The following TANC2 variants were observed in gnomAD, a reference collection of about 807,000 sequenced individuals.
The protein encoded by TANC2 is tetratricopeptide repeat, ankyrin repeat and coiled-coil containing 2.
TANC2 carries 26 observed loss-of-function variants against 210.5 expected under a neutral mutation model. That is an observed-to-expected ratio of 0.12 (90% confidence interval 0.09 to 0.17). The LOEUF (loss-of-function observed/expected upper bound fraction) is 0.17, where lower values mean the gene tolerates loss of function less well. TANC2 is among the 10% of genes least tolerant of loss of function. TANC2 has a pLI of 1.00. For synonymous variants in TANC2, 931 were observed against 967.1 expected, an observed-to-expected ratio of 0.96 and a Z score of 0.69; for missense variants, 2,129 against 2,608.9, an observed-to-expected ratio of 0.82 and a Z score of 4.01.
chr17:63,268,167 CT>C (rs1459694819), intron 9 of TANC2, among the ~76,000 whole-genome samples: 1 of 152,170 alleles, frequency 6.6e-6, no homozygotes, highest in African/African-American at 2.4e-5. Context: ...GGGAAATAAC[CT>C]TTCTAAGATC....
At chr17:63,343,684 C>T (rs2046311307) in intron 12 of TANC2, among the ~76,000 whole-genome samples, 1 of 152,094 alleles carries the variant, frequency 6.6e-6, no homozygotes, top group Non-Finnish European at 1.5e-5. Context: ...GCAGGAGGAT[C>T]ACTTGAGCCT....
intron 22 of TANC2, 45 bp from the exon 23 acceptor site, chr17:63,411,953 A>T (rs776083025): frequency 1.7e-5 from 27 of 1,609,900 alleles, no homozygotes. Context: ...AACAGTGCTG[A>T]GCCATTACGC....
chr17:63,054,660 C>G (rs551303782), intron 2 of TANC2, among the ~76,000 whole-genome samples: 65 of 151,840 alleles, frequency 4.3e-4, no homozygotes, highest in Non-Finnish European at 7.2e-4. Context: ...GGATTACAGG[C>G]GTGAGCCACC....
At chr17:63,159,659 AT>A (rs2039956640) in intron 5 of TANC2, among the ~76,000 whole-genome samples, 1 of 149,786 alleles carries the variant, frequency 6.7e-6, no homozygotes, top group African/African-American at 2.6e-5. Flanking sequence ...TAGCATTTAC[AT>A]TGCATATGGT....
At chr17:63,201,622 CTTT>C (rs76234428) in intron 7 of TANC2, among the ~76,000 whole-genome samples, 5 of 139,828 alleles carry the variant, frequency 3.6e-5, no homozygotes, top group African/African-American at 5.3e-5. Context: ...TTTCTTATAC[CTTT>C]TTTTTTTTTT....
chr17:63,334,071 C>T (rs894473713), intron 11 of TANC2: 4 of 152,186 alleles, frequency 2.6e-5, no homozygotes, highest in African/African-American at 9.6e-5. Flanking sequence ...ACAAAACCCA[C>T]AGTATCTCCA....
intron 9 of TANC2, among the ~76,000 whole-genome samples, chr17:63,308,529 G>A (rs529158255): frequency 1.5e-4 from 23 of 152,162 alleles, no homozygotes; most frequent in Non-Finnish European, 2.9e-4. Flanking sequence ...CTGACATTCA[G>A]ACTGTCCTGG....
intron 8 of TANC2, among the ~76,000 whole-genome samples, chr17:63,253,816 T>C (rs1176988066): frequency 6.6e-6 from 1 of 151,958 alleles, no homozygotes; most frequent in African/African-American, 2.4e-5. Flanking sequence ...TTGTTGTTGT[T>C]GTTGTTGTTT....
chr17:63,002,969 A>G (rs2033455330), intron 1 of TANC2, among the ~76,000 whole-genome samples: 1 of 152,100 alleles, frequency 6.6e-6, no homozygotes, highest in East Asian at 1.9e-4. Context: ...ATATGTTTTA[A>G]TTTCTCTTGG....
intron 7 of TANC2, among the ~76,000 whole-genome samples, chr17:63,203,408 A>G (rs991221598): frequency 6.6e-6 from 1 of 152,218 alleles, no homozygotes; most frequent in Admixed American, 6.5e-5. Context: ...TCCCTGTGCC[A>G]TATACAGTAT....
intron 8 of TANC2, among the ~76,000 whole-genome samples, chr17:63,243,527 A>G (rs191830315): frequency 8.1e-4 from 124 of 152,364 alleles, no homozygotes; most frequent in African/African-American, 2.7e-3. Context: ...TACTGTTACA[A>G]CATCGTGAAT....
At chr17:63,380,302 C>G (rs1052712516) in intron 15 of TANC2, among the ~76,000 whole-genome samples, 1 of 152,204 alleles carries the variant, frequency 6.6e-6, no homozygotes, top group African/African-American at 2.4e-5. Context: ...CAAATTATAT[C>G]CCAGTTTTTC....
intron 4 of TANC2, among the ~76,000 whole-genome samples, chr17:63,122,026 T>A (rs1414593822): frequency 2.6e-5 from 4 of 151,642 alleles, no homozygotes; most frequent in Non-Finnish European, 2.9e-5. Flanking sequence ...GAGAAAGAGA[T>A]TGAGAATCAA....
intron 14 of TANC2, among the ~76,000 whole-genome samples, chr17:63,369,777 AT>A (rs2047211565): frequency 6.6e-6 from 1 of 151,826 alleles, no homozygotes; most frequent in East Asian, 1.9e-4. Context: ...TAATTTTTGT[AT>A]TTTTAGTAGA....
intron 2 of TANC2, among the ~76,000 whole-genome samples, chr17:63,071,313 G>C (rs2036389115): frequency 6.6e-6 from 1 of 151,826 alleles, no homozygotes; most frequent in Non-Finnish European, 1.5e-5. Flanking sequence ...AAAGAGTCAA[G>C]GTCTCCCCTT....
intron 4 of TANC2, among the ~76,000 whole-genome samples, chr17:63,143,468 T>C (rs1390120316): frequency 6.6e-6 from 1 of 152,214 alleles, no homozygotes; most frequent in Non-Finnish European, 1.5e-5. Context: ...TGTATAAAAT[T>C]ATCAATTTAT....
intron 4 of TANC2, among the ~76,000 whole-genome samples, chr17:63,140,531 C>T (rs973575328): frequency 5.9e-5 from 9 of 152,142 alleles, no homozygotes; most frequent in African/African-American, 2.2e-4. Context: ...TATGTCACTT[C>T]TGCTTTTATT....
chr17:63,222,151 G>A (rs2042210267), intron 7 of TANC2, among the ~76,000 whole-genome samples: 1 of 152,162 alleles, frequency 6.6e-6, no homozygotes, highest in Admixed American at 6.5e-5. Context: ...ATCCTCACAT[G>A]ATGGAAAGGG....
At chr17:63,257,190 AT>A (rs201145258) in intron 8 of TANC2, among the ~76,000 whole-genome samples, 2 of 139,580 alleles carry the variant, frequency 1.4e-5, no homozygotes, top group Non-Finnish European at 3.1e-5. Flanking sequence ...CCATTTTGTT[AT>A]TTTTTTTCTC....
Sources: gnomAD v4.1 joint callset for allele counts (sites outside exome capture counted in the v4.1 genomes callset) on GRCh38, gnomAD v4.1.1 for gene constraint, MANE v1.5 for transcripts, NCBI Gene and HGNC (gene_info 2026-07-23, HGNC 2026-07-21) for gene names.